CASQ2: variants seen among roughly 807,000 people sequenced by gnomAD.
CASQ2 encodes calsequestrin 2.
In CASQ2, 49 loss-of-function variants were observed where a neutral mutation model predicts 46.5. The observed-to-expected ratio is 1.05, with a 90% CI of 0.84 to 1.34. CASQ2 has a LOEUF of 1.34. Ranked by LOEUF, CASQ2 falls within the 40% of genes most tolerant of loss-of-function variation. The pLI is 0.00. For missense variants in CASQ2, 486 were observed against 481.3 expected, an observed-to-expected ratio of 1.01 and a Z score of -0.09; for synonymous variants, 174 against 168.5, an observed-to-expected ratio of 1.03 and a Z score of -0.25.
intron 7 of CASQ2, among the ~76,000 whole-genome samples, 184 bp from the exon 8 acceptor site, chr1:115,718,078 G>A (rs1382020077): frequency 1.3e-5 from 2 of 152,154 alleles, no homozygotes; most frequent in East Asian, 1.9e-4. Flanking sequence ...ATGCTGAGGA[G>A]CAACTGCCAG....
chr1:115,722,002 G>A (rs1202223516), intron 7 of CASQ2, among the ~76,000 whole-genome samples: 1 of 152,184 alleles, frequency 6.6e-6, no homozygotes, highest in Non-Finnish European at 1.5e-5. Flanking sequence ...AGGTAGAGGA[G>A]GGGGTATGGA....
chr1:115,751,169 A>G (rs946615720), intron 1 of CASQ2, among the ~76,000 whole-genome samples: 1 of 152,274 alleles, frequency 6.6e-6, no homozygotes, highest in Non-Finnish European at 1.5e-5. Context: ...GTAAGTGCTT[A>G]GTAAACATTA....
intron 6 of CASQ2, among the ~76,000 whole-genome samples, chr1:115,726,294 G>A (rs925742577): frequency 6.6e-6 from 1 of 152,154 alleles, no homozygotes; most frequent in African/African-American, 2.4e-5. Context: ...TACAGCTGGT[G>A]GGACAAATCC....
chr1:115,739,598 T>C (rs1331538055), intron 3 of CASQ2, among the ~76,000 whole-genome samples: 3 of 152,232 alleles, frequency 2.0e-5, no homozygotes, highest in African/African-American at 7.2e-5. Flanking sequence ...AATTTGTTTT[T>C]CTGTCATGAA....
intron 7 of CASQ2, among the ~76,000 whole-genome samples, chr1:115,719,369 C>G (rs1239665024): frequency 6.6e-6 from 1 of 152,202 alleles, no homozygotes; most frequent in African/African-American, 2.4e-5. Context: ...ATTAGGCTAG[C>G]CTGTGTCTCT....
intron 10 of CASQ2, among the ~76,000 whole-genome samples, chr1:115,702,554 C>T (rs1654239255): frequency 6.6e-6 from 1 of 152,250 alleles, no homozygotes; most frequent in Non-Finnish European, 1.5e-5. Flanking sequence ...ACAACGGCCC[C>T]ATCACCCATT....
chr1:115,701,296 T>C lies in CASQ2; in HGVS notation c.1145A>G (p.Asp382Gly), dbSNP rs770204929. ...TEDDDEDDDD[D>G]DNSDEEDNDD... ...ATTATCCTCTTCATCAGAATTATCATCATCATCATCATCTTCATCATCATC... is the reference window on the plus strand; with the variant it reads ...ATTATCCTCTTCATCAGAATTATCACCATCATCATCATCTTCATCATCATC... Residue 382 changes from aspartate (D) to glycine (G), a missense_variant, in exon 11 of 11, where the codon GAT becomes GGT. Transcript: ENST00000261448. 3.8e-6 allele frequency: 6 copies of C among 1,596,370 alleles called. No individual in the cohort carries two copies. The highest frequency in any genetic ancestry group is 1.3e-5 in the African/African-American group (1 of 74,544).
At chr1:115,761,402 A>C (rs868257737) in intron 1 of CASQ2, among the ~76,000 whole-genome samples, 1 of 8,028 alleles carries the variant, frequency 1.2e-4, no homozygotes, top group South Asian at 0.019. Context: ...GTCAAAAAAA[A>C]AAGAAGAAGA....
chr1:115,738,377 A>G, intron 3 of CASQ2, 42 bp from the exon 4 acceptor site: 1 of 1,252,106 alleles, frequency 8.0e-7, no homozygotes. Flanking sequence ...CAAACAAGAG[A>G]TTTCCTTCTT....
intron 1 of CASQ2, among the ~76,000 whole-genome samples, chr1:115,760,704 A>G (rs1462353192): frequency 6.6e-6 from 1 of 152,214 alleles, no homozygotes; most frequent in Non-Finnish European, 1.5e-5. Flanking sequence ...ACCTGTGGGG[A>G]TAAGACCCAG....
chr1:115,714,846 T>C (rs1654649545), intron 8 of CASQ2, among the ~76,000 whole-genome samples: 2 of 152,236 alleles, frequency 1.3e-5, no homozygotes, highest in Non-Finnish European at 2.9e-5. Context: ...TGCTTACAGC[T>C]TCCCAGTACA....
intron 6 of CASQ2, 42 bp downstream of exon 6, chr1:115,726,950 C>A (rs755976971): frequency 2.4e-6 from 3 of 1,229,488 alleles, no homozygotes; most frequent in East Asian, 2.7e-5. Flanking sequence ...TCTCCATTCC[C>A]CAGACCCCAG....
At chr1:115,740,365 C>G (rs1648134494) in intron 3 of CASQ2, among the ~76,000 whole-genome samples, 1 of 152,128 alleles carries the variant, frequency 6.6e-6, no homozygotes, top group East Asian at 1.9e-4. Context: ...GATTGGTACT[C>G]CCATCCCTCC....
intron 8 of CASQ2, among the ~76,000 whole-genome samples, chr1:115,709,157 G>A (rs1271403586): frequency 6.6e-6 from 1 of 151,454 alleles, no homozygotes; most frequent in Non-Finnish European, 1.5e-5. Context: ...GGTCTCACAT[G>A]TATTCAGTTG....
rs149816826 is a variant in CASQ2 at position 115,718,913 on chromosome 1, A to G, written c.784-1019T>C. The stretch of plus-strand genomic sequence containing the variant: ...ACTTGGGGAGGAATATGTGTGAGAA[A>G]GAGGCACCTGGGGACAAGGCCGAGT... On this transcript the variant is annotated intron_variant, in intron 7 of 10. Coordinates refer to ENST00000261448, the MANE Select transcript of CASQ2 (RefSeq NM_001232.4). Among the ~76,000 whole-genome samples, 566 of 152,222 alleles carry G rather than the reference A, an allele frequency of 3.7e-3. 4 individuals are homozygous for G. In the Middle Eastern group the frequency reaches 0.041, roughly 11 times the overall value.
At chr1:115,760,274 G>A (rs1375707081) in intron 1 of CASQ2, among the ~76,000 whole-genome samples, 1 of 152,194 alleles carries the variant, frequency 6.6e-6, no homozygotes, top group Non-Finnish European at 1.5e-5. Context: ...CTGTCACAGT[G>A]CTTTGCAAAC....
chr1:115,716,360 G>A (rs1654700579), intron 8 of CASQ2, among the ~76,000 whole-genome samples: 3 of 152,126 alleles, frequency 2.0e-5, no homozygotes, highest in Non-Finnish European at 2.9e-5. Flanking sequence ...TTCAAAATAA[G>A]CTGCTCATTT....
intron 1 of CASQ2, among the ~76,000 whole-genome samples, chr1:115,748,150 T>C (rs1054337759): frequency 1.3e-5 from 2 of 152,224 alleles, no homozygotes; most frequent in South Asian, 2.1e-4. Context: ...CTTGATGGTT[T>C]GACCCTGGAT....
intron 1 of CASQ2, among the ~76,000 whole-genome samples, chr1:115,759,452 T>C (rs958491370): frequency 3.3e-5 from 5 of 152,186 alleles, no homozygotes; most frequent in African/African-American, 1.2e-4. Context: ...CCTTGCCCAC[T>C]CCTCTATTGC....
Sources: gnomAD v4.1 joint callset for allele counts (sites outside exome capture counted in the v4.1 genomes callset) on GRCh38, gnomAD v4.1.1 for gene constraint, MANE v1.5 for transcripts, NCBI Gene and HGNC (gene_info 2026-07-23, HGNC 2026-07-21) for gene names.